MTF2: variants seen among roughly 807,000 people sequenced by gnomAD.
MTF2 encodes the protein metal response element binding transcription factor 2.
Under a neutral mutation model 79.5 loss-of-function variants are expected in MTF2, and 11 were observed. The ratio of observed to expected loss-of-function variants is 0.14; its 90% CI spans 0.09 to 0.23. MTF2 has a LOEUF of 0.23. Among genes scored for constraint, MTF2 ranks in the 10% least tolerant of loss-of-function variants. The pLI, the probability that MTF2 is intolerant of heterozygous loss-of-function variation, is 1.00. For synonymous variants in MTF2, 208 were observed against 232.8 expected (o/e 0.89, Z 0.97); for missense variants, 486 against 711.2 (o/e 0.68, Z 3.60).
rs1046931618 is a variant in MTF2, at chr1:93,133,649, A to G, written c.1161-54A>G. 7.4e-6 allele frequency: 9 copies of G among 1,213,138 alleles called. No individual in the cohort carries two copies. In the Admixed American group the frequency reaches 1.2e-4, roughly 16 times the overall value. 75.1% of individuals were successfully genotyped at this position (1,213,138 alleles called of 1,614,324 possible). ...GTGTCTAGTTACATACATAGAGTCA[A>G]TGTCTTTGTTTTCTTTATGCAGAGA... On this transcript the variant is annotated intron_variant, in intron 11 of 14. Coordinates refer to ENST00000370298, the MANE Select transcript of MTF2 (RefSeq NM_007358.4).
intron 9 of MTF2, 101 bp from the exon 10 acceptor site, chr1:93,127,131 C>CAG (rs1435731652): frequency 9.2e-6 from 7 of 757,838 alleles, no homozygotes; most frequent in Non-Finnish European, 1.1e-5. Context: ...GACTACCAAT[C>CAG]AGTACACTTT....
At chr1:93,111,357 C>T (rs1218489272) in intron 3 of MTF2, among the ~76,000 whole-genome samples, 1 of 152,154 alleles carries the variant, frequency 6.6e-6, no homozygotes, top group East Asian at 1.9e-4. Context: ...AATAGGCCTA[C>T]ACTAAGACCC....
intron 1 of MTF2, among the ~76,000 whole-genome samples, chr1:93,081,629 T>A (rs1022306785): frequency 2.0e-5 from 3 of 152,206 alleles, no homozygotes; most frequent in African/African-American, 7.2e-5. Flanking sequence ...TAAATTGGAA[T>A]GTAAAAGTTT....
chr1:93,118,332 T>G lies in MTF2; in HGVS notation c.633-13T>G. The G allele has an allele frequency of 1.3e-6, 2 of 1,552,048 alleles. No individual in the cohort carries two copies. The highest frequency in any genetic ancestry group is 1.7e-6 in the Non-Finnish European group (2 of 1,148,012). Reference sequence around the variant, plus strand: ...AGGAATTTTAGTGTTAACTTTTTTGTTTTTTTTAATAGCTGGTATTTGAAG... The same window carrying G: ...AGGAATTTTAGTGTTAACTTTTTTGGTTTTTTTAATAGCTGGTATTTGAAG... On this transcript the variant is annotated splice_polypyrimidine_tract_variant and intron_variant, in intron 6 of 14. Coordinates refer to ENST00000370298, the MANE Select transcript of MTF2 (RefSeq NM_007358.4).
chr1:93,124,604 A>G (rs547467537), intron 9 of MTF2, among the ~76,000 whole-genome samples: 8 of 152,182 alleles, frequency 5.3e-5, no homozygotes, highest in African/African-American at 9.6e-5. Flanking sequence ...AAAATATACA[A>G]TAGAGGTGGA....
intron 8 of MTF2, 123 bp from the exon 9 acceptor site, chr1:93,120,426 G>A (rs1378804768): frequency 1.2e-6 from 1 of 824,508 alleles, no homozygotes; most frequent in Non-Finnish European, 1.8e-6. Flanking sequence ...ATTGTATTGT[G>A]AATATGACTA....
intron 9 of MTF2, among the ~76,000 whole-genome samples, chr1:93,122,512 T>C (rs1656522847): frequency 1.3e-5 from 2 of 152,146 alleles, no homozygotes; most frequent in Admixed American, 6.5e-5. Flanking sequence ...ATTTTGGGTG[T>C]CCCAGCTCCA....
intron 11 of MTF2, among the ~76,000 whole-genome samples, chr1:93,132,358 A>C (rs1487792872): frequency 1.3e-5 from 2 of 152,162 alleles, no homozygotes; most frequent in African/African-American, 2.4e-5. Context: ...CAGAAAAAAA[A>C]ATTCCACAAG....
Position 93,079,349 on chromosome 1 carries a change from A to G in MTF2, c.-178A>G, listed in dbSNP as rs895396199. The G allele has an allele frequency of 3.5e-5, 25 of 714,840 alleles. No homozygotes were observed. Among genetic ancestry groups the G allele is most frequent in the Middle Eastern group, 7.3e-4 (2 of 2,724 alleles). 44.3% of individuals were successfully genotyped at this position (714,840 alleles called of 1,614,324 possible). On this transcript the variant is annotated 5_prime_UTR_variant, in exon 1 of 15. Coordinates refer to ENST00000370298, the MANE Select transcript of MTF2 (RefSeq NM_007358.4). ...GGGCTGTGTTTGAGGCCGGTGTAAG[A>G]ACGCTCATTCTACCCCCAACCCTTG...
intron 1 of MTF2, among the ~76,000 whole-genome samples, chr1:93,097,381 G>A (rs752851467): frequency 3.4e-4 from 52 of 152,078 alleles, no homozygotes; most frequent in Admixed American, 2.9e-3. Flanking sequence ...TAAAAACTTG[G>A]GAGTTGTTCT....
intron 1 of MTF2, among the ~76,000 whole-genome samples, chr1:93,082,978 G>T (rs1009278829): frequency 6.6e-6 from 1 of 152,098 alleles, no homozygotes; most frequent in Admixed American, 6.5e-5. Flanking sequence ...TTTTATGTCT[G>T]GCTTCCTTCA....
chr1:93,096,064 C>T (rs150988023), intron 1 of MTF2, among the ~76,000 whole-genome samples: 54 of 152,310 alleles, frequency 3.5e-4, no homozygotes, highest in African/African-American at 1.1e-3. Flanking sequence ...TCTCATTCCT[C>T]ATTGTTCTTT....
At chr1:93,093,902 A>T (rs1230761877) in intron 1 of MTF2, among the ~76,000 whole-genome samples, 5 of 152,102 alleles carry the variant, frequency 3.3e-5, no homozygotes, top group Non-Finnish European at 5.9e-5. Context: ...CCCTTGATTG[A>T]TAATTTGACT....
chr1:93,129,241 GT>G (rs777747245), intron 10 of MTF2, 36 bp from the exon 11 acceptor site: 1 of 1,463,364 alleles, frequency 6.8e-7, no homozygotes, highest in Non-Finnish European at 9.2e-7. Flanking sequence ...TATGTGTTCA[GT>G]TTTTAAAATT....
intron 9 of MTF2, chr1:93,121,299 CAGAA>C (rs1043396048): frequency 1.1e-5 from 10 of 876,274 alleles, no homozygotes; most frequent in East Asian, 1.2e-4. Context: ...TAATGAATAG[CAGAA>C]AGAGAAAAGT....
At chr1:93,091,002 C>A (rs1382138499) in intron 1 of MTF2, among the ~76,000 whole-genome samples, 1 of 152,092 alleles carries the variant, frequency 6.6e-6, no homozygotes, top group Non-Finnish European at 1.5e-5. Flanking sequence ...TTTTTGTAAC[C>A]TTGTAGCTTG....
At chr1:93,114,832 G>A (rs1422961435) in intron 4 of MTF2, 49 bp downstream of exon 4, 5 of 1,420,224 alleles carry the variant, frequency 3.5e-6, no homozygotes, top group African/African-American at 2.9e-5. Flanking sequence ...TGACTATGTT[G>A]AAGATTAATG....
At chr1:93,107,922 A>G (rs1356867058) in intron 1 of MTF2, among the ~76,000 whole-genome samples, 2 of 152,104 alleles carry the variant, frequency 1.3e-5, no homozygotes, top group Non-Finnish European at 2.9e-5. Context: ...CTGGGACCAC[A>G]GGCACGTGCC....
At chr1:93,094,446 G>A (rs1164628253) in intron 1 of MTF2, among the ~76,000 whole-genome samples, 1 of 152,082 alleles carries the variant, frequency 6.6e-6, no homozygotes, top group Non-Finnish European at 1.5e-5. Context: ...TTTGAGGGTT[G>A]TAGTTTAATT....
Sources: allele counts gnomAD v4.1 joint callset (sites outside exome capture counted in the v4.1 genomes callset), GRCh38; gene constraint gnomAD v4.1.1; transcripts MANE v1.5; gene names NCBI Gene and HGNC (gene_info 2026-07-23, HGNC 2026-07-21).